Variants in RNPEP observed in about 807,000 individuals in gnomAD.
RNPEP encodes aminopeptidase B.
RNPEP carries 57 observed loss-of-function variants against 70.1 expected under a neutral mutation model. The ratio of observed to expected loss-of-function variants is 0.81; its 90% CI spans 0.66 to 1.01. The LOEUF is 1.01. RNPEP is among the 50% of genes least tolerant of loss of function. RNPEP has a pLI of 0.00. For synonymous variants in RNPEP, 335 were observed against 357.4 expected, an observed-to-expected ratio of 0.94 and a Z score of 0.71; for missense variants, 787 against 852.4, an observed-to-expected ratio of 0.92 and a Z score of 0.96.
intron 3 of RNPEP, 40 bp downstream of exon 3, chr1:201,989,571 T>G (rs759893913): frequency 1.9e-6 from 3 of 1,611,938 alleles, no homozygotes; most frequent in East Asian, 4.5e-5. Context: ...TGGATTGGCC[T>G]CAGAGGTGAG....
chr1:202,002,856 GTGGCCTCCCAGC>G (rs1683885019), intron 8 of RNPEP, among the ~76,000 whole-genome samples: 1 of 151,966 alleles, frequency 6.6e-6, no homozygotes. Context: ...TAACATGCCC[GTGGCCTCCCAGC>G]TGGTTAATGA....
chr1:201,985,622 C>T (rs1402305634), intron 1 of RNPEP, among the ~76,000 whole-genome samples: 1 of 152,168 alleles, frequency 6.6e-6, no homozygotes, highest in Non-Finnish European at 1.5e-5. Context: ...CACATATACA[C>T]ACAGATTCCC....
intron 1 of RNPEP, among the ~76,000 whole-genome samples, chr1:201,984,822 T>TTTTTTCTTTTTC (rs1491122493): frequency 0.016 from 90 of 5,642 alleles, 7 homozygotes; most frequent in East Asian, 0.048. Context: ...TATTTCTTTC[T>TTTTTTCTTTTTC]TTTTTTTTTT....
chr1:201,996,185 C>T lies in RNPEP; in HGVS notation c.776C>T (p.Ala259Val). Residue 259 changes from alanine to valine, a missense_variant, in exon 4 of 11, where the codon GCC becomes GTC. Transcript: ENST00000295640. Reference sequence around the variant, plus strand: ...GCTGAGCCCTGCCTGATTGATGCTGCCAAGGAGGAGTACAACGGGGTGATA... The same window carrying T: ...GCTGAGCCCTGCCTGATTGATGCTGTCAAGGAGGAGTACAACGGGGTGATA... Reference protein sequence around the residue: ...VWAEPCLIDAAKEEYNGVIEE... With the variant: ...VWAEPCLIDAVKEEYNGVIEE... 6.2e-7 allele frequency: 1 copy of T among 1,614,150 alleles called. No individual in the cohort carries two copies. The highest frequency in any genetic ancestry group is 8.5e-7 in the Non-Finnish European group (1 of 1,180,018).
At position 201,992,659 on chromosome 1, in the gene RNPEP, G is replaced by A. The variant is rs547243946; in HGVS notation, c.737+3128G>A. ...CCTCCCTGGCCCAAGTGTGTGGTTG[G>A]TTACCTCTTACCAACACCCCAAAGC... On this transcript the variant is annotated intron_variant, in intron 3 of 10. Coordinates refer to ENST00000295640, the MANE Select transcript of RNPEP (RefSeq NM_020216.4). 9.9e-5 allele frequency among the ~76,000 whole-genome samples: 15 copies of A among 152,162 alleles called. No homozygotes were observed. The East Asian group carries it at 2.3e-3, about 23-fold the overall frequency.
At position 201,997,454 on chromosome 1, in the gene RNPEP, T is replaced by C; in HGVS notation, c.990T>C (p.Ser330=). Residue 330 remains serine (S), a synonymous_variant, in exon 5 of 11, where the codon AGT becomes AGC. Coordinates refer to ENST00000295640, the MANE Select transcript of RNPEP (RefSeq NM_020216.4). ...ADVIIHEISH[S]WFGNLVTNAN... ...TCATCATCCATGAGATCTCCCACAG[T>C]TGGTTTGGGAACCTGGTCACCAACG... The C allele has an allele frequency of 6.2e-7, 1 of 1,614,154 alleles. No individual in the cohort carries two copies.
rs946163035 is a variant in RNPEP at position 201,982,678 on chromosome 1, C to T, written c.12C>T (p.Gly4=). 2 of 1,381,174 alleles carry T rather than the reference C, an allele frequency of 1.4e-6. No individual in the cohort carries two copies. The highest frequency in any genetic ancestry group is 1.9e-6 in the Non-Finnish European group (2 of 1,062,348). 85.6% of individuals were successfully genotyped at this position (1,381,174 alleles called of 1,614,324 possible). MAS[G]EHSPGSGAAR... ...ACGGCTCTGCGGCCATGGCGAGCGGCGAGCATTCCCCCGGCAGCGGCGCGG... is the reference window on the plus strand; with the variant it reads ...ACGGCTCTGCGGCCATGGCGAGCGGTGAGCATTCCCCCGGCAGCGGCGCGG... The change falls in exon 1 of 11, where the codon GGC becomes GGT. Residue 4 remains glycine (G), a synonymous_variant. Transcript: ENST00000295640.
intron 1 of RNPEP, chr1:201,983,640 T>C: frequency 8.3e-7 from 1 of 1,197,838 alleles, no homozygotes; most frequent in Non-Finnish European, 1.1e-6. Flanking sequence ...TCTTTGTTTT[T>C]GTTTCCTCCT....
In RNPEP at chr1:201,982,697, GGCGCGGCCCGGCGGCC is replaced by G; in HGVS notation, c.34_49del (p.Ala12CysfsTer43). The G allele has an allele frequency of 7.2e-7, 1 of 1,394,558 alleles. No individual in the cohort carries two copies. 86.4% of individuals were successfully genotyped at this position (1,394,558 alleles called of 1,614,324 possible). A position where few individuals can be genotyped will look rare whatever the true frequency, so the allele number is the denominator to read the frequency against. ...GAGCGGCGAGCATTCCCCCGGCAGC[GGCGCGGCCCGGCGGCC>G]GCTGCACTCCGCGCAGGCTGTGGAC... On this transcript the variant is annotated frameshift_variant, in exon 1 of 11. Coordinates refer to ENST00000295640, the MANE Select transcript of RNPEP (RefSeq NM_020216.4). LOFTEE classifies it high-confidence loss of function.
chr1:202,000,597 G>T (rs548215724), intron 6 of RNPEP, among the ~76,000 whole-genome samples: 21 of 152,284 alleles, frequency 1.4e-4, no homozygotes, highest in African/African-American at 4.6e-4. Context: ...ATTAGTTTTA[G>T]CCTGGAACAG....
rs566035350 is a variant in RNPEP at position 201,989,688 on chromosome 1, G to A, written c.737+157G>A. ...CTCATGCAGCATGAGCACAGCTGGA[G>A]GAAGTGCTCTTTTTCTCCCTGCCTT... is the stretch of plus-strand genomic sequence containing the variant. On this transcript the variant is annotated intron_variant, in intron 3 of 10. Transcript: ENST00000295640. 9.7e-4 allele frequency among the ~76,000 whole-genome samples: 148 copies of A among 152,218 alleles called. 2 individuals carry two copies. The South Asian group carries it at 0.029, about 30-fold the overall frequency.
rs770208647 is a variant in RNPEP, at chr1:202,004,451, C to A, written c.1749C>A (p.Asp583Glu). The change falls in exon 10 of 11, where the codon GAC (aspartate) becomes GAA (glutamate). Residue 583 changes from aspartate (D) to glutamate (E), a missense_variant. Coordinates refer to ENST00000295640, the MANE Select transcript of RNPEP (RefSeq NM_020216.4). The part of the protein sequence containing the change: ...LRWGQIVLKN[D>E]HQEDFWKVKE... Reference sequence around the variant, plus strand: ...GGGGCCAAATCGTCCTTAAGAACGACCACCAGGAAGATTTCTGGAAAGTGA... The same window carrying A: ...GGGGCCAAATCGTCCTTAAGAACGAACACCAGGAAGATTTCTGGAAAGTGA... The A allele has an allele frequency of 1.1e-5, 17 of 1,614,030 alleles. 1 individual carries two copies. The African/African-American group carries it at 1.6e-4, about 15-fold the overall frequency.
In RNPEP at chr1:201,993,757, C is replaced by T. The variant is rs930881830; in HGVS notation, c.738-2390C>T. On this transcript the variant is annotated intron_variant, in intron 3 of 10. Coordinates refer to ENST00000295640, the MANE Select transcript of RNPEP (RefSeq NM_020216.4). ...TCGCGCCACTGCACTCCAGCCTGGG[C>T]AACAGAGCAAGACTCCGTCTCAACA... is the stretch of plus-strand genomic sequence containing the variant. Among the ~76,000 whole-genome samples, 7 of 152,250 alleles carry T rather than the reference C, an allele frequency of 4.6e-5. No homozygotes were observed. The East Asian group carries it at 7.7e-4, about 17-fold the overall frequency.
At chr1:201,991,701 A>G (rs1001383383) in intron 3 of RNPEP, among the ~76,000 whole-genome samples, 4 of 152,204 alleles carry the variant, frequency 2.6e-5, no homozygotes, top group Admixed American at 2.6e-4. Context: ...GCTCTTTGCA[A>G]TATACTACAG....
Position 201,997,574 on chromosome 1 carries a change from C to T in RNPEP, c.1090+20C>T. 1 of 1,582,610 alleles carries T rather than the reference C, an allele frequency of 6.3e-7. No homozygotes were observed. The highest frequency in any genetic ancestry group is 8.7e-7 in the Non-Finnish European group (1 of 1,152,108). On this transcript the variant is annotated intron_variant, in intron 5 of 10. Transcript: ENST00000295640. Reference sequence around the variant, plus strand: ...TCTTTGGTAAAGTGCCCACCCCTCTCCTAAGGAGTCTGCCTCCCATTCTTA... The same window carrying T: ...TCTTTGGTAAAGTGCCCACCCCTCTTCTAAGGAGTCTGCCTCCCATTCTTA...
intron 3 of RNPEP, among the ~76,000 whole-genome samples, chr1:201,990,513 T>G (rs1173084974): frequency 6.6e-6 from 1 of 152,232 alleles, no homozygotes; most frequent in African/African-American, 2.4e-5. Flanking sequence ...GGCTGGACGG[T>G]GAAGCCGTGA....
At chr1:201,999,107 C>T (rs746646366) in intron 5 of RNPEP, among the ~76,000 whole-genome samples, 2 of 151,568 alleles carry the variant, frequency 1.3e-5, no homozygotes, top group African/African-American at 4.9e-5. Context: ...GTCCCAGCTA[C>T]TTGGTAAGCT....
chr1:202,000,196 G>T, intron 6 of RNPEP, 181 bp downstream of exon 6: 1 of 546,706 alleles, frequency 1.8e-6, no homozygotes, highest in Non-Finnish European at 3.3e-6. Context: ...AGCCATTGCA[G>T]CCAGATAGGA....
At position 202,004,335 on chromosome 1, in the gene RNPEP, ATTTC is replaced by A. The variant is rs763165476; in HGVS notation, c.1652-13_1652-10del. 20 of 1,613,700 alleles carry A rather than the reference ATTTC, an allele frequency of 1.2e-5. No homozygotes were observed. In the East Asian group the frequency reaches 4.2e-4, roughly 34 times the overall value. ...GACCCACCGTGACCAGCCACAAACC[ATTTC>A]TTTCTCTTCTCCAGGGAATGTGAAA... On this transcript the variant is annotated splice_polypyrimidine_tract_variant and intron_variant, in intron 9 of 10. Coordinates refer to ENST00000295640, the MANE Select transcript of RNPEP (RefSeq NM_020216.4).
Sources: allele counts gnomAD v4.1 joint callset (sites outside exome capture counted in the v4.1 genomes callset), GRCh38; gene constraint gnomAD v4.1.1; transcripts MANE v1.5; gene names NCBI Gene and HGNC (gene_info 2026-07-23, HGNC 2026-07-21).